Variants in CRISP1 observed in about 807,000 individuals in gnomAD.
CRISP1 encodes cysteine-rich secretory protein 1.
In CRISP1, 44 loss-of-function variants were observed where a neutral mutation model predicts 33.1. The observed-to-expected ratio is 1.33, with a 90% CI of 1.05 to 1.71. The LOEUF (loss-of-function observed/expected upper bound fraction) is 1.71. Among genes scored for constraint, CRISP1 ranks in the 40% most tolerant of loss-of-function variants. CRISP1 has a pLI of 0.00. For missense variants in CRISP1, 390 were observed against 301.2 expected, an observed-to-expected ratio of 1.29 and a Z score of -2.18; for synonymous variants, 103 against 98.7, an observed-to-expected ratio of 1.04 and a Z score of -0.26.
intron 5 of CRISP1, among the ~76,000 whole-genome samples, chr6:49,842,738 A>G (rs978646426): frequency 3.3e-5 from 5 of 152,096 alleles, no homozygotes; most frequent in Non-Finnish European, 5.9e-5. Context: ...GGTGAAATGA[A>G]GTTCCCATCT....
At position 49,835,296 on chromosome 6, in the gene CRISP1, C is replaced by A; in HGVS notation, c.*20G>T. 9 of 1,612,526 alleles carry A rather than the reference C, an allele frequency of 5.6e-6. No individual in the cohort carries two copies. Among genetic ancestry groups the A allele is most frequent in the Non-Finnish European group, 6.8e-6 (8 of 1,179,170 alleles). On this transcript the variant is annotated 3_prime_UTR_variant, in exon 8 of 8. Coordinates refer to ENST00000335847, the MANE Select transcript of CRISP1 (RefSeq NM_001131.3). ...TCCTCCTCATCGTCACAGCATAGAA[C>A]AGTTGAAAATAACAAAGACCTATTT...
chr6:49,843,962 A>T (rs943048412), intron 5 of CRISP1, among the ~76,000 whole-genome samples: 3 of 152,120 alleles, frequency 2.0e-5, no homozygotes, highest in African/African-American at 7.2e-5. Context: ...AATAACAAAC[A>T]TAGAAATTTA....
chr6:49,868,809 G>A (rs552257162), upstream of CRISP1, among the ~76,000 whole-genome samples: 27 of 152,188 alleles, frequency 1.8e-4, no homozygotes, highest in Admixed American at 6.6e-4. Context: ...AGGGCTCAAT[G>A]ACTCCAGACT....
chr6:49,849,922 G>C (rs1260659529), intron 3 of CRISP1, among the ~76,000 whole-genome samples: 1 of 151,964 alleles, frequency 6.6e-6, no homozygotes, highest in Non-Finnish European at 1.5e-5. Context: ...TAACTGATAA[G>C]CAGAGAGGAC....
At chr6:49,857,878 G>A (rs1211539565) in intron 1 of CRISP1, among the ~76,000 whole-genome samples, 64 of 152,134 alleles carry the variant, frequency 4.2e-4, no homozygotes, top group Admixed American at 4.2e-3. Flanking sequence ...TAAGGAATAT[G>A]GATAGCCTCT....
chr6:49,849,573 C>T (rs1771286565), intron 3 of CRISP1, among the ~76,000 whole-genome samples: 1 of 152,152 alleles, frequency 6.6e-6, no homozygotes, highest in Admixed American at 6.5e-5. Flanking sequence ...GCAGCATATA[C>T]ATCCATTTAA....
At chr6:49,842,464 C>T (rs180712307) in intron 5 of CRISP1, among the ~76,000 whole-genome samples, 3 of 152,056 alleles carry the variant, frequency 2.0e-5, no homozygotes, top group African/African-American at 7.2e-5. Context: ...TTCATTAGGT[C>T]TTCAGACACA....
chr6:49,859,599 C>T (rs1771591658), intron 1 of CRISP1, among the ~76,000 whole-genome samples: 1 of 151,984 alleles, frequency 6.6e-6, no homozygotes, highest in Admixed American at 6.6e-5. Flanking sequence ...CATGAAAACA[C>T]ACAAAAGTAT....
chr6:49,858,292 G>A (rs1455502019), intron 1 of CRISP1, among the ~76,000 whole-genome samples: 1 of 152,094 alleles, frequency 6.6e-6, no homozygotes, highest in Non-Finnish European at 1.5e-5. Context: ...AATAAGTATA[G>A]ATTATTGAAT....
chr6:49,846,470 C>G (rs758501822), intron 5 of CRISP1, 50 bp downstream of exon 5: 4 of 1,563,988 alleles, frequency 2.6e-6, no homozygotes, highest in Non-Finnish European at 3.5e-6. Flanking sequence ...CGTTTCCACA[C>G]ACATGCTTAT....
chr6:49,836,908 A>T (rs1328785511), intron 7 of CRISP1, among the ~76,000 whole-genome samples: 2 of 152,100 alleles, frequency 1.3e-5, no homozygotes, highest in East Asian at 3.9e-4. Context: ...ATTTTTTTTA[A>T]AAAATCAATT....
chr6:49,853,941 G>A (rs1026861437), intron 2 of CRISP1, among the ~76,000 whole-genome samples: 1 of 152,092 alleles, frequency 6.6e-6, no homozygotes, highest in Non-Finnish European at 1.5e-5. Flanking sequence ...CAGTAAGATT[G>A]ACCTCAAATA....
intron 3 of CRISP1, among the ~76,000 whole-genome samples, chr6:49,851,362 C>T (rs550177306): frequency 3.9e-5 from 6 of 152,216 alleles, no homozygotes; most frequent in African/African-American, 1.4e-4. Flanking sequence ...TGAGGGTAAT[C>T]ACCTAAACAC....
intron 2 of CRISP1, 106 bp downstream of exon 2, chr6:49,857,229 G>A (rs1269617121): frequency 1.0e-6 from 1 of 966,448 alleles, no homozygotes; most frequent in Admixed American, 2.2e-5. Flanking sequence ...GTGAGTAATG[G>A]GTGTAGTGGC....
chr6:49,872,369 T>C (rs1280213086), intron 1 of CRISP1, among the ~76,000 whole-genome samples: 1 of 152,112 alleles, frequency 6.6e-6, no homozygotes, highest in East Asian at 1.9e-4. Flanking sequence ...ATTCTGATGG[T>C]AGTTTCTTTT....
intron 5 of CRISP1, 34 bp downstream of exon 5, chr6:49,846,486 A>G (rs755324503): frequency 1.6e-5 from 26 of 1,599,426 alleles, no homozygotes; most frequent in Non-Finnish European, 2.0e-5. Context: ...CTTATCTCTT[A>G]AACAATGTGT....
intron 3 of CRISP1, among the ~76,000 whole-genome samples, chr6:49,849,839 A>G (rs942814161): frequency 2.0e-5 from 3 of 152,048 alleles, no homozygotes; most frequent in African/African-American, 7.2e-5. Flanking sequence ...TTAGCCTAGC[A>G]CTGGGTAAAA....
chr6:49,870,761 T>A (rs780792524), upstream of CRISP1, among the ~76,000 whole-genome samples: 18 of 152,160 alleles, frequency 1.2e-4, no homozygotes, highest in Non-Finnish European at 2.4e-4. Context: ...AATCCCCAAA[T>A]TTTGCTTAAG....
chr6:49,863,137 G>T (rs1384431356), intron 1 of CRISP1, among the ~76,000 whole-genome samples: 1 of 152,128 alleles, frequency 6.6e-6, no homozygotes, highest in Non-Finnish European at 1.5e-5. Flanking sequence ...TAAGAAAGAT[G>T]CAGACCTAAA....
Sources: allele counts gnomAD v4.1 joint callset (sites outside exome capture counted in the v4.1 genomes callset), GRCh38; gene constraint gnomAD v4.1.1; transcripts MANE v1.5; gene names NCBI Gene and HGNC (gene_info 2026-07-23, HGNC 2026-07-21).